Variants in ZCCHC7 observed in about 807,000 individuals in gnomAD.
ZCCHC7 encodes the protein zinc finger CCHC domain-containing protein 7.
A neutral mutation model predicts 52.0 loss-of-function variants in ZCCHC7; 35 were observed. The ratio of observed to expected loss-of-function variants is 0.67; its 90% confidence interval spans 0.51 to 0.89. ZCCHC7 has a LOEUF of 0.89. Ranked by LOEUF, ZCCHC7 falls within the 40% of genes least tolerant of loss-of-function variation. ZCCHC7 has a pLI of 0.00. For synonymous variants in ZCCHC7, 217 were observed against 221.5 expected (o/e 0.98, Z 0.18); for missense variants, 574 against 649.1 (o/e 0.88, Z 1.26).
Position 37,357,238 on chromosome 9 carries a change from T to C in ZCCHC7, c.1602T>C (p.Phe534=). The C allele has an allele frequency of 1.2e-6, 2 of 1,605,164 alleles. No homozygotes were observed. Among genetic ancestry groups the C allele is most frequent in the Non-Finnish European group, 1.7e-6 (2 of 1,177,768 alleles). The change falls in exon 9 of 9, where the codon TTT becomes TTC. Residue 534 remains phenylalanine, a synonymous_variant. Transcript: ENST00000336755. ...AAGATGATGACAATGATAACTTATT[T>C]CTTATTAAGCAGAGAAAAAAAAAGT... ...CWEDDDNDNL[F]LIKQRKKKS
intron 5 of ZCCHC7, among the ~76,000 whole-genome samples, chr9:37,322,722 T>C (rs1455645929): frequency 1.3e-5 from 2 of 151,106 alleles, no homozygotes; most frequent in Non-Finnish European, 2.9e-5. Flanking sequence ...ACAGCTGTAG[T>C]CTAATAAAAT....
intron 2 of ZCCHC7, among the ~76,000 whole-genome samples, chr9:37,230,636 C>G (rs1825354856): frequency 6.6e-6 from 1 of 151,914 alleles, no homozygotes; most frequent in African/African-American, 2.4e-5. Flanking sequence ...AATATTTTTT[C>G]TCTCCATTGG....
chr9:37,147,963 T>C (rs1168100585), intron 2 of ZCCHC7, among the ~76,000 whole-genome samples: 1 of 152,116 alleles, frequency 6.6e-6, no homozygotes, highest in Non-Finnish European at 1.5e-5. Context: ...ATTCCTGTAT[T>C]TTTTGCTGAC....
chr9:37,342,861 A>G (rs933701458), intron 6 of ZCCHC7, among the ~76,000 whole-genome samples: 5 of 152,248 alleles, frequency 3.3e-5, no homozygotes, highest in African/African-American at 1.2e-4. Context: ...AGTGGAGCCC[A>G]CATTAGAACA....
chr9:37,345,719 CA>C (rs34403603), intron 6 of ZCCHC7, among the ~76,000 whole-genome samples: 41,560 of 118,952 alleles, frequency 0.35, 6,126 homozygotes, highest in Middle Eastern at 0.46. Context: ...GACTCCATCT[CA>C]AAAAAAAAAA....
intron 7 of ZCCHC7, among the ~76,000 whole-genome samples, chr9:37,352,791 T>C (rs1001422266): frequency 1.3e-5 from 2 of 151,532 alleles, no homozygotes; most frequent in Non-Finnish European, 2.9e-5. Context: ...TCCCAAAGTG[T>C]TGGGATTACA....
intron 2 of ZCCHC7, among the ~76,000 whole-genome samples, chr9:37,182,905 G>A (rs1309369277): frequency 6.6e-6 from 1 of 152,176 alleles, no homozygotes; most frequent in African/African-American, 2.4e-5. Context: ...CAAGTCCCTG[G>A]AAGCCAGGAG....
intron 2 of ZCCHC7, among the ~76,000 whole-genome samples, chr9:37,293,320 G>T: frequency 6.6e-6 from 1 of 151,952 alleles, no homozygotes; most frequent in East Asian, 1.9e-4. Flanking sequence ...ACCAGACACT[G>T]GAGAAAAAAA....
At chr9:37,236,633 ATCCGCCCGTCTCAGCC>A (rs1207743568) in intron 2 of ZCCHC7, among the ~76,000 whole-genome samples, 1 of 151,926 alleles carries the variant, frequency 6.6e-6, no homozygotes, top group East Asian at 1.9e-4. Flanking sequence ...TGACCTCGTG[ATCCGCCCGTCTCAGCC>A]TCCCAAAGTG....
intron 2 of ZCCHC7, among the ~76,000 whole-genome samples, chr9:37,140,875 TAGAA>T (rs1843190176): frequency 6.6e-6 from 1 of 152,006 alleles, no homozygotes; most frequent in Non-Finnish European, 1.5e-5. Flanking sequence ...TATTTAAACA[TAGAA>T]GGAGATAGGT....
intron 2 of ZCCHC7, among the ~76,000 whole-genome samples, chr9:37,197,622 T>C (rs1823356975): frequency 6.6e-6 from 1 of 152,196 alleles, no homozygotes; most frequent in African/African-American, 2.4e-5. Flanking sequence ...AATTCAGTTA[T>C]TTGATCTAAT....
chr9:37,283,221 A>G (rs1828055775), intron 2 of ZCCHC7, among the ~76,000 whole-genome samples: 1 of 152,170 alleles, frequency 6.6e-6, no homozygotes, highest in Non-Finnish European at 1.5e-5. Flanking sequence ...TTCAGACATA[A>G]TTTGGGAGAA....
At chr9:37,313,240 A>G (rs768934619) in intron 5 of ZCCHC7, among the ~76,000 whole-genome samples, 13 of 152,342 alleles carry the variant, frequency 8.5e-5, no homozygotes, top group Non-Finnish European at 1.6e-4. Flanking sequence ...GTCTTACAAA[A>G]TTGTTGTATA....
intron 5 of ZCCHC7, among the ~76,000 whole-genome samples, chr9:37,311,776 T>C (rs1004045083): frequency 8.5e-5 from 13 of 152,226 alleles, no homozygotes; most frequent in Non-Finnish European, 1.5e-4. Flanking sequence ...TTTTTCACAG[T>C]GCAAAAGTTT....
At chr9:37,243,408 T>C (rs893266284) in intron 2 of ZCCHC7, among the ~76,000 whole-genome samples, 1 of 151,822 alleles carries the variant, frequency 6.6e-6, no homozygotes, top group East Asian at 1.9e-4. Context: ...CGGCTACAAG[T>C]GCTTTGGAAA....
chr9:37,194,952 T>C (rs895266536), intron 2 of ZCCHC7, among the ~76,000 whole-genome samples: 7 of 150,216 alleles, frequency 4.7e-5, no homozygotes, highest in African/African-American at 9.8e-5. Context: ...TTTTTCTTTT[T>C]TTTTTTTTTT....
chr9:37,161,731 G>A (rs550162226), intron 2 of ZCCHC7, among the ~76,000 whole-genome samples: 1 of 152,236 alleles, frequency 6.6e-6, no homozygotes, highest in South Asian at 2.1e-4. Context: ...TATAGTATAC[G>A]GAATATTATA....
At chr9:37,246,189 A>G (rs1282980168) in intron 2 of ZCCHC7, among the ~76,000 whole-genome samples, 1 of 152,116 alleles carries the variant, frequency 6.6e-6, no homozygotes, top group Non-Finnish European at 1.5e-5. Flanking sequence ...CTAGAGGAGA[A>G]TCAAGTTTGA....
chr9:37,206,361 C>G (rs1823914966), intron 2 of ZCCHC7, among the ~76,000 whole-genome samples: 1 of 151,286 alleles, frequency 6.6e-6, no homozygotes, highest in African/African-American at 2.4e-5. Context: ...CCGCCTTCAC[C>G]TTTCCCGCTT....
Sources: gnomAD v4.1 joint callset for allele counts (sites outside exome capture counted in the v4.1 genomes callset) on GRCh38, gnomAD v4.1.1 for gene constraint, MANE v1.5 for transcripts, NCBI Gene and HGNC (gene_info 2026-07-23, HGNC 2026-07-21) for gene names.